The following CADM2 variants were observed in gnomAD, a reference collection of about 807,000 sequenced individuals.
The protein encoded by CADM2 is immunoglobulin superfamily member 4D.
A neutral mutation model predicts 49.8 loss-of-function variants in CADM2; 12 were observed. The observed-to-expected ratio is 0.24, with a 90% CI of 0.15 to 0.39. CADM2 has a LOEUF of 0.39. Among genes scored for constraint, CADM2 ranks in the 10% least tolerant of loss-of-function variants. CADM2 has a pLI of 1.00. For missense variants in CADM2, 378 were observed against 492.3 expected, an observed-to-expected ratio of 0.77 and a Z score of 2.20; for synonymous variants, 214 against 175.4, an observed-to-expected ratio of 1.22 and a Z score of -1.74.
intron 1 of CADM2, among the ~76,000 whole-genome samples, chr3:85,608,016 C>A (rs961019451): frequency 3.3e-5 from 5 of 151,942 alleles, no homozygotes; most frequent in Non-Finnish European, 5.9e-5. Context: ...GAATTCATTA[C>A]CTCGTAATTA....
At chr3:85,490,568 A>T (rs545429303) in intron 1 of CADM2, among the ~76,000 whole-genome samples, 1 of 152,268 alleles carries the variant, frequency 6.6e-6, no homozygotes, top group South Asian at 2.1e-4. Context: ...TGGGCAACAG[A>T]GTGAGACTGT....
At chr3:85,934,089 T>A (rs2108534613) in intron 6 of CADM2, among the ~76,000 whole-genome samples, 1 of 152,244 alleles carries the variant, frequency 6.6e-6, no homozygotes, top group South Asian at 2.1e-4. Context: ...CATGTTAACA[T>A]AATTCTGTCT....
chr3:85,585,993 T>C (rs1339158527), intron 1 of CADM2, among the ~76,000 whole-genome samples: 1 of 152,080 alleles, frequency 6.6e-6, no homozygotes, highest in Non-Finnish European at 1.5e-5. Flanking sequence ...GACTCCTATC[T>C]AAAATAAAAT....
intron 2 of CADM2, among the ~76,000 whole-genome samples, chr3:85,793,634 C>T (rs947879470): frequency 2.0e-5 from 3 of 152,158 alleles, no homozygotes; most frequent in Admixed American, 6.5e-5. Context: ...TGAATTGAGA[C>T]GAGTTTCACC....
chr3:85,721,390 G>A (rs2067497697), intron 1 of CADM2, among the ~76,000 whole-genome samples: 1 of 152,116 alleles, frequency 6.6e-6, no homozygotes, highest in Non-Finnish European at 1.5e-5. Context: ...CACCTTTCCT[G>A]TGTTTTCCTC....
chr3:86,005,821 A>AT (rs1730719841), intron 8 of CADM2, among the ~76,000 whole-genome samples: 9 of 151,988 alleles, frequency 5.9e-5, no homozygotes, highest in Admixed American at 5.9e-4. Flanking sequence ...CTTTCTAACA[A>AT]TTTTTTGTAC....
chr3:85,523,478 A>G (rs1446721549), intron 1 of CADM2, among the ~76,000 whole-genome samples: 1 of 152,146 alleles, frequency 6.6e-6, no homozygotes, highest in Admixed American at 6.6e-5. Flanking sequence ...ATGTTAAACA[A>G]TCAAAGTGAT....
chr3:85,614,087 AAT>A (rs1186051624), intron 1 of CADM2, among the ~76,000 whole-genome samples: 2 of 151,772 alleles, frequency 1.3e-5, no homozygotes, highest in African/African-American at 4.8e-5. Context: ...AAACAATTAA[AAT>A]ATAAAGATAA....
chr3:85,180,881 T>C (rs1176207327), intron 1 of CADM2, among the ~76,000 whole-genome samples: 1 of 152,152 alleles, frequency 6.6e-6, no homozygotes, highest in African/African-American at 2.4e-5. Flanking sequence ...TTGGCTGACA[T>C]AGAGACGTGT....
At chr3:85,659,345 C>T (rs1322486981) in intron 1 of CADM2, among the ~76,000 whole-genome samples, 4 of 151,678 alleles carry the variant, frequency 2.6e-5, no homozygotes, top group Non-Finnish European at 5.9e-5. Context: ...TGGGTAACAA[C>T]TAAAACTTGA....
chr3:85,522,246 A>G (rs183177047), intron 1 of CADM2, among the ~76,000 whole-genome samples: 4 of 152,232 alleles, frequency 2.6e-5, no homozygotes, highest in Admixed American at 2.6e-4. Context: ...CCAATTATAC[A>G]TTAATAATAC....
intron 1 of CADM2, among the ~76,000 whole-genome samples, chr3:85,496,057 A>G (rs2039877733): frequency 6.6e-6 from 1 of 152,158 alleles, no homozygotes; most frequent in African/African-American, 2.4e-5. Flanking sequence ...TTAAATTTCC[A>G]TTTTATACTG....
intron 1 of CADM2, among the ~76,000 whole-genome samples, chr3:85,224,438 G>C (rs953734981): frequency 2.0e-5 from 3 of 151,894 alleles, no homozygotes; most frequent in Non-Finnish European, 4.4e-5. Context: ...CCCATTTTTT[G>C]ATGGCATTGT....
intron 1 of CADM2, among the ~76,000 whole-genome samples, chr3:85,555,190 CA>C (rs1183396337): frequency 6.6e-6 from 1 of 152,058 alleles, no homozygotes; most frequent in Non-Finnish European, 1.5e-5. Flanking sequence ...ATTTTATATA[CA>C]AAAAATGTGC....
At chr3:86,018,416 T>A (rs1275148497) in intron 8 of CADM2, among the ~76,000 whole-genome samples, 3 of 151,388 alleles carry the variant, frequency 2.0e-5, no homozygotes, top group Non-Finnish European at 4.4e-5. Flanking sequence ...CTGGGTCAAA[T>A]GGTATTTCCA....
At chr3:85,254,522 C>T (rs984367856) in intron 1 of CADM2, among the ~76,000 whole-genome samples, 2 of 152,064 alleles carry the variant, frequency 1.3e-5, no homozygotes, top group African/African-American at 2.4e-5. Context: ...CATCCTGAAG[C>T]TACCTAGAGT....
At chr3:84,977,401 A>G (rs1032455665) in intron 1 of CADM2, among the ~76,000 whole-genome samples, 2 of 152,082 alleles carry the variant, frequency 1.3e-5, no homozygotes, top group Non-Finnish European at 2.9e-5. Flanking sequence ...AATGATAAGC[A>G]CATATGACCA....
At chr3:85,472,035 A>G (rs970391991) in intron 1 of CADM2, among the ~76,000 whole-genome samples, 3 of 151,896 alleles carry the variant, frequency 2.0e-5, no homozygotes, top group Admixed American at 2.0e-4. Flanking sequence ...GAGAACCTTG[A>G]AATATAACTT....
rs765804776 is a variant in CADM2 at position 86,066,682 on chromosome 3, G to A, written c.1114G>A (p.Glu372Lys). Residue 372 changes from glutamate to lysine, a missense_variant, in exon 10 of 10, where the codon GAA (glutamate) becomes AAA (lysine). By Grantham distance (56) the Glu-to-Lys change is moderately conservative. Coordinates refer to ENST00000383699, the MANE Select transcript of CADM2 (RefSeq NM_001167675.2). ...ATATGCAGGAACGTATTTAACAAATGAAGCTAAAGGAGCTGAAGATGCACC... is the reference window on the plus strand; with the variant it reads ...ATATGCAGGAACGTATTTAACAAATAAAGCTAAAGGAGCTGAAGATGCACC... The part of the protein sequence containing the change: ...ARHKGTYLTN[E>K]AKGAEDAPDA... 1 of 1,613,078 alleles carries A rather than the reference G, an allele frequency of 6.2e-7. No homozygotes were observed. The highest frequency in any genetic ancestry group is 8.5e-7 in the Non-Finnish European group (1 of 1,179,100).
Sources: gnomAD v4.1 joint callset for allele counts (sites outside exome capture counted in the v4.1 genomes callset) on GRCh38, gnomAD v4.1.1 for gene constraint, MANE v1.5 for transcripts, NCBI Gene and HGNC (gene_info 2026-07-23, HGNC 2026-07-21) for gene names.